SULF1: variants seen among roughly 807,000 people sequenced by gnomAD.
SULF1 encodes extracellular sulfatase Sulf-1.
In SULF1, 46 loss-of-function variants were observed where a neutral mutation model predicts 110.5. The observed-to-expected ratio is 0.42, with a 90% CI of 0.33 to 0.53. The LOEUF is 0.53. Among genes scored for constraint, SULF1 ranks in the 20% least tolerant of loss-of-function variants. The pLI is 0.12. For synonymous variants in SULF1, 371 were observed against 387.1 expected, an observed-to-expected ratio of 0.96 and a Z score of 0.49; for missense variants, 941 against 1,094.2, an observed-to-expected ratio of 0.86 and a Z score of 1.98.
chr8:69,556,766 T>G (rs1369121287), intron 3 of SULF1, among the ~76,000 whole-genome samples: 1 of 152,180 alleles, frequency 6.6e-6, no homozygotes, highest in Non-Finnish European at 1.5e-5. Context: ...TTTCATCAAC[T>G]TTTATTTTAA....
At chr8:69,520,079 C>G (rs951054573) in intron 3 of SULF1, among the ~76,000 whole-genome samples, 6 of 150,250 alleles carry the variant, frequency 4.0e-5, no homozygotes, top group African/African-American at 1.5e-4. Flanking sequence ...AATACCTGCA[C>G]TTCACTGTTT....
intron 5 of SULF1, among the ~76,000 whole-genome samples, chr8:69,572,197 A>G (rs887530752): frequency 6.6e-6 from 1 of 152,236 alleles, no homozygotes; most frequent in Non-Finnish European, 1.5e-5. Context: ...TCTGTTTCTC[A>G]TCTTGAAAAT....
At chr8:69,657,483 G>A (rs11987374) in intron 22 of SULF1, among the ~76,000 whole-genome samples, 7,919 of 152,226 alleles carry the variant, frequency 0.052, 307 homozygotes, top group African/African-American at 0.12. Context: ...AAAGATTGAC[G>A]TTCTTTCCAC....
At chr8:69,608,377 A>G (rs1199405535) in intron 13 of SULF1, among the ~76,000 whole-genome samples, 1 of 152,182 alleles carries the variant, frequency 6.6e-6, no homozygotes, top group African/African-American at 2.4e-5. Context: ...TATGAAGCCA[A>G]TTAGAATTAA....
intron 6 of SULF1, chr8:69,584,380 G>A (rs1806294922): frequency 1.3e-5 from 2 of 152,470 alleles, no homozygotes; most frequent in Admixed American, 1.3e-4. Context: ...GCCAAGCATG[G>A]TTCATGGAGG....
At position 69,600,584 on chromosome 8, in the gene SULF1, C is replaced by A; in HGVS notation, c.735-19C>A. On this transcript the variant is annotated intron_variant, in intron 8 of 22. Coordinates refer to ENST00000402687, the MANE Select transcript of SULF1 (RefSeq NM_001128205.2). ...TAAGTAAGAAATATATAGTAAGATT[C>A]CTTTCTGGATATTTTCAGAACTCCT... is the stretch of plus-strand genomic sequence containing the variant. The A allele has an allele frequency of 1.3e-6, 2 of 1,588,006 alleles. No individual in the cohort carries two copies. Among genetic ancestry groups the A allele is most frequent in the South Asian group, 1.1e-5 (1 of 87,056 alleles).
chr8:69,477,867 T>G (rs1317296625), intron 1 of SULF1, among the ~76,000 whole-genome samples: 1 of 144,848 alleles, frequency 6.9e-6, no homozygotes, highest in Non-Finnish European at 1.5e-5. Flanking sequence ...TTCTCCTTTG[T>G]TTTTTTTTGA....
At position 69,497,155 on chromosome 8, in the gene SULF1, C is replaced by CTT. The variant is rs5892193; in HGVS notation, c.-229+1248_-229+1249dup. ...AAGCTAAAACAGAATGTTCTTTTCT[C>CTT]TTTTTTTTTTTTTTTTTTTTGAGAC... On this transcript the variant is annotated intron_variant, in intron 2 of 22. Coordinates refer to ENST00000402687, the MANE Select transcript of SULF1 (RefSeq NM_001128205.2). Among the ~76,000 whole-genome samples the CTT allele has an allele frequency of 3.2e-3, 393 of 121,688 alleles. 7 individuals are homozygous for CTT. The highest frequency in any genetic ancestry group is 4.4e-3 in the Non-Finnish European group (261 of 59,536). The allele number at this position is 121,688 out of a possible 152,430, so 79.8% of individuals were successfully genotyped here.
chr8:69,609,261 G>A (rs1337396025), intron 13 of SULF1, among the ~76,000 whole-genome samples: 3 of 152,126 alleles, frequency 2.0e-5, no homozygotes, highest in Non-Finnish European at 2.9e-5. Flanking sequence ...TGAGGGAATC[G>A]CTTGAGCCTA....
chr8:69,506,156 T>G (rs1811180982), intron 3 of SULF1, among the ~76,000 whole-genome samples: 1 of 152,190 alleles, frequency 6.6e-6, no homozygotes, highest in Non-Finnish European at 1.5e-5. Context: ...TTTAAATTTG[T>G]GCATTGTGTT....
intron 8 of SULF1, among the ~76,000 whole-genome samples, chr8:69,596,197 A>G (rs963342424): frequency 3.9e-5 from 6 of 152,200 alleles, no homozygotes; most frequent in African/African-American, 1.4e-4. Context: ...GGAGGATTAC[A>G]GGGATGTTTT....
chr8:69,590,111 T>C (rs1165319622), intron 8 of SULF1, among the ~76,000 whole-genome samples: 3 of 152,238 alleles, frequency 2.0e-5, no homozygotes, highest in Non-Finnish European at 4.4e-5. Flanking sequence ...TAAGTAACTA[T>C]GCAGGCTCTC....
intron 22 of SULF1, chr8:69,641,055 A>G (rs1436276804): frequency 2.3e-6 from 1 of 435,550 alleles, no homozygotes; most frequent in East Asian, 3.6e-5. Context: ...GATGTTCCAG[A>G]GCATTTACTC....
upstream of SULF1, among the ~76,000 whole-genome samples, chr8:69,489,072 C>T (rs997244861): frequency 6.6e-6 from 1 of 152,102 alleles, no homozygotes; most frequent in Non-Finnish European, 1.5e-5. Context: ...GGGGAGCTCA[C>T]AGTTAGGCCT....
Position 69,658,680 on chromosome 8 carries a change from T to TCA in SULF1, c.*145_*146insCA. On this transcript the variant is annotated 3_prime_UTR_variant, in exon 23 of 23. Transcript: ENST00000402687. ...ACTTGAAGGATTTAGATAGAGTATT[T>TCA]GCACTGCTGAAGAGTCACTATGAGC... The TCA allele has an allele frequency of 1.3e-6, 1 of 744,128 alleles. No individual in the cohort carries two copies. Among genetic ancestry groups the TCA allele is most frequent in the South Asian group, 1.5e-5 (1 of 68,500 alleles). 46.1% of individuals were successfully genotyped at this position (744,128 alleles called of 1,614,324 possible).
chr8:69,556,409 T>C (rs1336209102), intron 3 of SULF1, among the ~76,000 whole-genome samples: 1 of 152,208 alleles, frequency 6.6e-6, no homozygotes, highest in Non-Finnish European at 1.5e-5. Context: ...CCTGGTCTAG[T>C]TATTGCAGCA....
intron 22 of SULF1, among the ~76,000 whole-genome samples, chr8:69,655,844 G>A (rs1013815492): frequency 5.3e-5 from 8 of 152,142 alleles, no homozygotes; most frequent in Non-Finnish European, 1.2e-4. Context: ...CACATTTTTA[G>A]TTGCATTATT....
chr8:69,587,339 G>C (rs80169838), intron 7 of SULF1, among the ~76,000 whole-genome samples: 185 of 152,284 alleles, frequency 1.2e-3, no homozygotes, highest in African/African-American at 4.2e-3. Flanking sequence ...CAACAGGCTA[G>C]ATCACTTGGT....
chr8:69,572,181 G>A (rs573328766), intron 5 of SULF1, among the ~76,000 whole-genome samples: 2 of 152,140 alleles, frequency 1.3e-5, no homozygotes, highest in Non-Finnish European at 2.9e-5. Context: ...GCAAGCAGAC[G>A]TCAATTCTGT....
Sources: allele counts gnomAD v4.1 joint callset (sites outside exome capture counted in the v4.1 genomes callset), GRCh38; gene constraint gnomAD v4.1.1; transcripts MANE v1.5; gene names NCBI Gene and HGNC (gene_info 2026-07-23, HGNC 2026-07-21).